Variants in BRINP3 observed in about 807,000 individuals in gnomAD.
The protein encoded by BRINP3 is BMP/retinoic acid inducible neural specific 3, also known as BMP/retinoic acid-inducible neural-specific protein 3.
BRINP3 carries 19 observed loss-of-function variants against 71.0 expected under a neutral mutation model. The ratio of observed to expected loss-of-function variants is 0.27; its 90% CI spans 0.19 to 0.39. The LOEUF (loss-of-function observed/expected upper bound fraction) is 0.39. Among genes scored for constraint, BRINP3 ranks in the 10% least tolerant of loss-of-function variants. The pLI, the probability that BRINP3 is intolerant of heterozygous loss-of-function variation, is 1.00. For missense variants in BRINP3, 959 were observed against 940.8 expected (o/e 1.02, Z -0.25); for synonymous variants, 380 against 337.7 (o/e 1.13, Z -1.37).
chr1:190,317,612 T>C (rs1303200454), intron 2 of BRINP3, among the ~76,000 whole-genome samples: 1 of 151,414 alleles, frequency 6.6e-6, no homozygotes, highest in Admixed American at 6.6e-5. Flanking sequence ...ATTATAATAG[T>C]TTCCCAGTTC....
In BRINP3 at chr1:190,460,879, A is replaced by C. The variant is rs187446719; in HGVS notation, c.-50-5939T>G. The stretch of plus-strand genomic sequence containing the variant: ...CAAGTTCTGTACATTCTTCCCCCTA[A>C]ATATAAGATTTACCACTTTTTCTCC... On this transcript the variant is annotated intron_variant, in intron 1 of 7. Transcript: ENST00000367462. 4.1e-4 allele frequency among the ~76,000 whole-genome samples: 62 copies of C among 152,164 alleles called. 1 individual carries two copies. The highest frequency in any genetic ancestry group is 1.5e-3 in the African/African-American group (62 of 41,522).
intron 6 of BRINP3, among the ~76,000 whole-genome samples, chr1:190,205,567 C>T (rs1655424352): frequency 6.6e-6 from 1 of 152,036 alleles, no homozygotes; most frequent in African/African-American, 2.4e-5. Context: ...AAGCAGACTA[C>T]ACTCATCATT....
At chr1:190,297,361 CA>C (rs372322835) in intron 2 of BRINP3, among the ~76,000 whole-genome samples, 1,637 of 143,874 alleles carry the variant, frequency 0.011, 24 homozygotes, top group African/African-American at 0.036. Flanking sequence ...ATACAATACA[CA>C]AAAAAAAAAC....
chr1:190,475,891 A>G (rs1432830530), intron 1 of BRINP3: 1 of 152,090 alleles, frequency 6.6e-6, no homozygotes, highest in African/African-American at 2.4e-5. Context: ...CAGTCCTCCA[A>G]AGAGAATGTT....
intron 2 of BRINP3, among the ~76,000 whole-genome samples, chr1:190,363,188 C>T (rs576612743): frequency 6.6e-6 from 1 of 152,172 alleles, no homozygotes; most frequent in South Asian, 2.1e-4. Flanking sequence ...TAAGAGCAGA[C>T]CCTGGCCAAC....
At chr1:190,386,117 T>G in intron 2 of BRINP3, among the ~76,000 whole-genome samples, 1 of 142,820 alleles carries the variant, frequency 7.0e-6, no homozygotes, top group African/African-American at 2.6e-5. Flanking sequence ...CATTGGGAGA[T>G]ATACATAATG....
At chr1:190,178,598 T>C (rs1403352469) in intron 6 of BRINP3, among the ~76,000 whole-genome samples, 1 of 152,162 alleles carries the variant, frequency 6.6e-6, no homozygotes, top group African/African-American at 2.4e-5. Flanking sequence ...TATGTATTTA[T>C]TGTTTGCTGA....
chr1:190,143,152 T>C (rs2102396542), intron 7 of BRINP3, among the ~76,000 whole-genome samples: 1 of 152,188 alleles, frequency 6.6e-6, no homozygotes, highest in South Asian at 2.1e-4. Flanking sequence ...GAAAATAAAA[T>C]GCAAGTAGCC....
chr1:190,457,042 T>G (rs1264821306), intron 1 of BRINP3, among the ~76,000 whole-genome samples: 1 of 152,128 alleles, frequency 6.6e-6, no homozygotes, highest in Non-Finnish European at 1.5e-5. Context: ...AATCAGATTT[T>G]CTCCAAACCC....
chr1:190,218,116 A>G (rs891502190), intron 6 of BRINP3, among the ~76,000 whole-genome samples: 2 of 151,752 alleles, frequency 1.3e-5, no homozygotes, highest in African/African-American at 2.4e-5. Flanking sequence ...TTCAAAAACT[A>G]TATACACCAT....
At chr1:190,273,903 C>T (rs762172984) in intron 3 of BRINP3, among the ~76,000 whole-genome samples, 1 of 151,554 alleles carries the variant, frequency 6.6e-6, no homozygotes, top group Admixed American at 6.6e-5. Context: ...ACTTACAACA[C>T]CATCATAAAT....
intron 2 of BRINP3, among the ~76,000 whole-genome samples, chr1:190,394,672 C>T (rs1671457387): frequency 6.6e-6 from 1 of 151,568 alleles, no homozygotes; most frequent in South Asian, 2.1e-4. Flanking sequence ...TAAACACAAA[C>T]TGCATTCTGC....
At chr1:190,375,682 G>A (rs116009158) in intron 2 of BRINP3, among the ~76,000 whole-genome samples, 1,672 of 151,832 alleles carry the variant, frequency 0.011, 28 homozygotes, top group African/African-American at 0.038. Flanking sequence ...AAACAATCTT[G>A]GCTGCTAACC....
At chr1:190,409,812 T>C (rs1162063326) in intron 2 of BRINP3, among the ~76,000 whole-genome samples, 3 of 152,040 alleles carry the variant, frequency 2.0e-5, no homozygotes. Flanking sequence ...AATTGGGCCA[T>C]ATCCTGATAA....
intron 2 of BRINP3, among the ~76,000 whole-genome samples, chr1:190,419,394 A>G (rs928160429): frequency 1.3e-5 from 2 of 152,070 alleles, no homozygotes; most frequent in African/African-American, 4.8e-5. Flanking sequence ...AGTTTAAATT[A>G]TTGGTCACAT....
At chr1:190,413,962 A>ATATTT (rs1031482901) in intron 2 of BRINP3, among the ~76,000 whole-genome samples, 2 of 152,084 alleles carry the variant, frequency 1.3e-5, no homozygotes, top group African/African-American at 2.4e-5. Context: ...AATTTAAAAA[A>ATATTT]TATTTTATTT....
intron 2 of BRINP3, among the ~76,000 whole-genome samples, chr1:190,444,239 CAAAAAAAAAAAAAAA>C (rs764014934): frequency 8.9e-5 from 5 of 56,310 alleles, no homozygotes; most frequent in Non-Finnish European, 1.5e-4. Context: ...AACTCCGTCT[CAAAAAAAAAAAAAAA>C]AAAAAAAAAA....
At chr1:190,163,639 A>G (rs1309032766) in intron 6 of BRINP3, among the ~76,000 whole-genome samples, 1 of 152,118 alleles carries the variant, frequency 6.6e-6, no homozygotes, top group Non-Finnish European at 1.5e-5. Flanking sequence ...TATATTAATG[A>G]ATTCTGTGGA....
At chr1:190,385,794 T>C (rs1232727155) in intron 2 of BRINP3, among the ~76,000 whole-genome samples, 2 of 151,598 alleles carry the variant, frequency 1.3e-5, no homozygotes, top group African/African-American at 2.4e-5. Context: ...ATGTTTATTG[T>C]GGCATTATTC....
Sources: allele counts gnomAD v4.1 joint callset (sites outside exome capture counted in the v4.1 genomes callset), GRCh38; gene constraint gnomAD v4.1.1; transcripts MANE v1.5; gene names NCBI Gene and HGNC (gene_info 2026-07-23, HGNC 2026-07-21).